CRTC3: variants seen among roughly 807,000 people sequenced by gnomAD.
CRTC3 encodes the protein CREB regulated transcription coactivator 3.
Under a neutral mutation model 74.5 loss-of-function variants are expected in CRTC3, and 26 were observed. The observed-to-expected ratio is 0.35, with a 90% confidence interval of 0.26 to 0.48. CRTC3 has a LOEUF of 0.48. Ranked by LOEUF, CRTC3 falls within the 20% of genes least tolerant of loss-of-function variation. The pLI is 0.99. For synonymous variants in CRTC3, 377 were observed against 325.8 expected (o/e 1.16, Z -1.69); for missense variants, 760 against 787.3 (o/e 0.97, Z 0.41).
intron 2 of CRTC3, among the ~76,000 whole-genome samples, chr15:90,575,700 A>G (rs1228581872): frequency 6.6e-6 from 1 of 152,222 alleles, no homozygotes; most frequent in Non-Finnish European, 1.5e-5. Context: ...GAATCACACT[A>G]TTTTAATTAA....
rs1396259213 is a variant in CRTC3 at position 90,642,305 on chromosome 15, C to T, written c.*165C>T. 32 of 628,016 alleles carry T rather than the reference C, an allele frequency of 5.1e-5. No homozygotes were observed. In the Admixed American group the frequency reaches 8.7e-4, roughly 17 times the overall value. The allele number at this position is 628,016 out of a possible 1,614,324, so 38.9% of individuals were successfully genotyped here. A position where few individuals can be genotyped will look rare whatever the true frequency, so the allele number is the denominator to read the frequency against. On this transcript the variant is annotated 3_prime_UTR_variant, in exon 15 of 15. Coordinates refer to ENST00000268184, the MANE Select transcript of CRTC3 (RefSeq NM_022769.5). ...GATCCCATCTCAGACACTGTGGCTT[C>T]CTCCAGATCACACAGCTTTGTACTG...
chr15:90,552,463 G>T (rs934112791), intron 2 of CRTC3, among the ~76,000 whole-genome samples: 2 of 152,180 alleles, frequency 1.3e-5, no homozygotes, highest in Non-Finnish European at 2.9e-5. Flanking sequence ...GCTCCCAGCT[G>T]CTCATTATTC....
In CRTC3 at chr15:90,638,740, A is replaced by C; in HGVS notation, c.1473A>C (p.Ser491=). The C allele has an allele frequency of 6.2e-7, 1 of 1,614,128 alleles. No individual in the cohort carries two copies. Among genetic ancestry groups the C allele is most frequent in the Non-Finnish European group, 8.5e-7 (1 of 1,180,016 alleles). The change falls in exon 13 of 15, where the codon TCA becomes TCC. Residue 491 remains serine (S), a synonymous_variant. Coordinates refer to ENST00000268184, the MANE Select transcript of CRTC3 (RefSeq NM_022769.5). Reference sequence around the variant, plus strand: ...CATCTCCTTATTCCCTGAAGGGCTCATCTTTGACCAACTTCTTCCCAGATG... The same window carrying C: ...CATCTCCTTATTCCCTGAAGGGCTCCTCTTTGACCAACTTCTTCCCAGATG... The part of the protein sequence containing the change: ...SDFQLLPAQG[S]SLTNFFPDVG...
intron 7 of CRTC3, among the ~76,000 whole-genome samples, chr15:90,616,287 G>A (rs1268454614): frequency 6.6e-6 from 1 of 152,152 alleles, no homozygotes; most frequent in Non-Finnish European, 1.5e-5. Flanking sequence ...GTTGCCTGAA[G>A]AGCATTGTAT....
chr15:90,555,056 G>C (rs1444290826), intron 2 of CRTC3, among the ~76,000 whole-genome samples: 1 of 152,120 alleles, frequency 6.6e-6, no homozygotes, highest in Non-Finnish European at 1.5e-5. Flanking sequence ...ATGCGGGTGG[G>C]GGATGCACAT....
At chr15:90,578,798 A>C (rs1017482057) in intron 2 of CRTC3, among the ~76,000 whole-genome samples, 4 of 152,182 alleles carry the variant, frequency 2.6e-5, no homozygotes, top group African/African-American at 9.7e-5. Flanking sequence ...GTATTTGTTG[A>C]GAATGCCAAT....
intron 2 of CRTC3, among the ~76,000 whole-genome samples, chr15:90,551,338 T>C (rs1966855883): frequency 2.6e-5 from 1 of 38,532 alleles, no homozygotes; most frequent in Non-Finnish European, 5.5e-5. Flanking sequence ...TCTTTTTTTC[T>C]GTGCTTCTTA....
chr15:90,620,870 A>G (rs1968626874), intron 9 of CRTC3, among the ~76,000 whole-genome samples: 1 of 152,208 alleles, frequency 6.6e-6, no homozygotes, highest in Non-Finnish European at 1.5e-5. Flanking sequence ...ATTTCCCCCA[A>G]CAGAGCTTCC....
intron 2 of CRTC3, among the ~76,000 whole-genome samples, chr15:90,583,566 G>T (rs1967591852): frequency 6.6e-6 from 1 of 152,202 alleles, no homozygotes; most frequent in Non-Finnish European, 1.5e-5. Context: ...TGGTTCAAGG[G>T]CTCTGAAAGT....
Position 90,642,339 on chromosome 15 carries a change from G to T in CRTC3, c.*199G>T. 1.7e-6 allele frequency: 1 copy of T among 583,608 alleles called. No homozygotes were observed. The highest frequency in any genetic ancestry group is 3.0e-6 in the Non-Finnish European group (1 of 327,990). 36.2% of individuals were successfully genotyped at this position (583,608 alleles called of 1,614,324 possible). A position where few individuals can be genotyped will look rare whatever the true frequency, so the allele number is the denominator to read the frequency against. ...CACACAGCTTTGTACTGCCTCTCCC[G>T]CCTGTGGCCAAAGTCGTGTTGCAGC... is the stretch of plus-strand genomic sequence containing the variant. On this transcript the variant is annotated 3_prime_UTR_variant, in exon 15 of 15. Coordinates refer to ENST00000268184, the MANE Select transcript of CRTC3 (RefSeq NM_022769.5).
chr15:90,596,913 A>T (rs1232524545), intron 3 of CRTC3, among the ~76,000 whole-genome samples: 1 of 152,250 alleles, frequency 6.6e-6, no homozygotes, highest in Admixed American at 6.5e-5. Context: ...ACTGGCTTAG[A>T]CAAGGGTTTT....
intron 11 of CRTC3, 84 bp downstream of exon 11, chr15:90,629,616 G>A: frequency 7.0e-7 from 1 of 1,428,066 alleles, no homozygotes; most frequent in South Asian, 1.2e-5. Context: ...TACTATTTTG[G>A]GTTACACTCA....
intron 6 of CRTC3, among the ~76,000 whole-genome samples, chr15:90,608,885 A>G (rs955296219): frequency 6.6e-6 from 1 of 152,240 alleles, no homozygotes; most frequent in Non-Finnish European, 1.5e-5. Flanking sequence ...TTTATAATCT[A>G]GAAAGAACAA....
Position 90,642,527 on chromosome 15 carries a change from C to T in CRTC3, c.*387C>T, listed in dbSNP as rs1393096509. Reference sequence around the variant, plus strand: ...TCAGAACCACTGATCTCCGTCCGCACCGAAGGCGGGCCCGGAGTGGGAGGC... The same window carrying T: ...TCAGAACCACTGATCTCCGTCCGCATCGAAGGCGGGCCCGGAGTGGGAGGC... On this transcript the variant is annotated 3_prime_UTR_variant, in exon 15 of 15. Coordinates refer to ENST00000268184, the MANE Select transcript of CRTC3 (RefSeq NM_022769.5). 1 of 323,658 alleles carries T rather than the reference C, an allele frequency of 3.1e-6. No individual in the cohort carries two copies. The highest frequency in any genetic ancestry group is 4.6e-5 in the Admixed American group (1 of 21,816). 20.0% of individuals were successfully genotyped at this position (323,658 alleles called of 1,614,324 possible).
rs966015987 is a variant in CRTC3, at chr15:90,643,158, G to C, written c.*1018G>C. 1 of 232,204 alleles carries C rather than the reference G, an allele frequency of 4.3e-6. No homozygotes were observed. Among genetic ancestry groups the C allele is most frequent in the Admixed American group, 5.6e-5 (1 of 17,754 alleles). 14.4% of individuals were successfully genotyped at this position (232,204 alleles called of 1,614,324 possible). On this transcript the variant is annotated 3_prime_UTR_variant, in exon 15 of 15. Transcript: ENST00000268184. Reference sequence around the variant, plus strand: ...TTGTTGAACCCGTAGCACCTAACACGTGCGTGGCAGCACAGTCGTGTGCTG... The same window carrying C: ...TTGTTGAACCCGTAGCACCTAACACCTGCGTGGCAGCACAGTCGTGTGCTG...
chr15:90,624,547 C>T (rs1968762374), intron 9 of CRTC3, among the ~76,000 whole-genome samples: 1 of 152,336 alleles, frequency 6.6e-6, no homozygotes, highest in Middle Eastern at 3.4e-3. Flanking sequence ...TCCACGCACA[C>T]ACTGTGTCAC....
intron 2 of CRTC3, among the ~76,000 whole-genome samples, chr15:90,570,167 T>C (rs1411286432): frequency 6.6e-6 from 1 of 152,212 alleles, no homozygotes; most frequent in African/African-American, 2.4e-5. Flanking sequence ...CTTTTTGACA[T>C]TGCCAAAAGC....
intron 2 of CRTC3, among the ~76,000 whole-genome samples, chr15:90,559,959 C>T (rs1182254545): frequency 6.6e-6 from 1 of 152,158 alleles, no homozygotes; most frequent in African/African-American, 2.4e-5. Flanking sequence ...ATGTATTTAC[C>T]GGCCATTCTG....
intron 3 of CRTC3, among the ~76,000 whole-genome samples, chr15:90,596,742 T>A (rs1228868043): frequency 3.9e-5 from 6 of 152,246 alleles, no homozygotes; most frequent in African/African-American, 1.2e-4. Flanking sequence ...GGTTGTGAAA[T>A]AATCTGCTTA....
Sources: gnomAD v4.1 joint callset for allele counts (sites outside exome capture counted in the v4.1 genomes callset) on GRCh38, gnomAD v4.1.1 for gene constraint, MANE v1.5 for transcripts, NCBI Gene and HGNC (gene_info 2026-07-23, HGNC 2026-07-21) for gene names.